The following CCND1 variants were observed in gnomAD, a reference collection of about 807,000 sequenced individuals.
CCND1 encodes the protein G1/S-specific cyclin-D1.
Under a neutral mutation model 26.1 loss-of-function variants are expected in CCND1, and 9 were observed. The observed-to-expected ratio is 0.35, with a 90% confidence interval of 0.21 to 0.60. The LOEUF (loss-of-function observed/expected upper bound fraction) is 0.60. Ranked by LOEUF, CCND1 falls within the 20% of genes least tolerant of loss-of-function variation. The pLI is 0.79. For missense variants in CCND1, 335 were observed against 392.9 expected (o/e 0.85, Z 1.25); for synonymous variants, 194 against 166.1 (o/e 1.17, Z -1.29).
At position 69,650,937 on chromosome 11, in the gene CCND1, G is replaced by T. The variant is rs1855845944; in HGVS notation, c.724-181G>T. On this transcript the variant is annotated intron_variant, in intron 4 of 4. Transcript: ENST00000227507. Reference sequence around the variant, plus strand: ...CATTTGGTCCTGAGTGTCCTGACAGGTGATGGCAGCTCCCACATCTCGCTC... The same window carrying T: ...CATTTGGTCCTGAGTGTCCTGACAGTTGATGGCAGCTCCCACATCTCGCTC... 2.6e-5 allele frequency among the ~76,000 whole-genome samples: 4 copies of T among 152,306 alleles called. No individual in the cohort carries two copies. In the South Asian group the frequency reaches 8.3e-4, roughly 32 times the overall value.
At position 69,653,105 on chromosome 11, in the gene CCND1, G is replaced by T; in HGVS notation, c.*1823G>T. On this transcript the variant is annotated 3_prime_UTR_variant, in exon 5 of 5. Transcript: ENST00000227507. The stretch of plus-strand genomic sequence containing the variant: ...AATTCTTGTAATTTTTATTTAGGAA[G>T]TGTTGAAGGGAGGTGGCAAGAGTGT... The T allele has an allele frequency of 1.9e-6, 1 of 533,026 alleles. No individual in the cohort carries two copies. The highest frequency in any genetic ancestry group is 3.3e-6 in the Non-Finnish European group (1 of 302,656). 33.0% of individuals were successfully genotyped at this position (533,026 alleles called of 1,614,324 possible).
rs2120109873 is a variant in CCND1 at position 69,648,111 on chromosome 11, G to A, written c.692G>A (p.Arg231His). 7 of 1,613,928 alleles carry A rather than the reference G, an allele frequency of 4.3e-6. No homozygotes were observed. Among genetic ancestry groups the A allele is most frequent in the Non-Finnish European group, 5.9e-6 (7 of 1,180,014 alleles). ...TTCCTGTCCTACTACCGCCTCACAC[G>A]CTTCCTCTCCAGAGTGATCAAGTGT... ...NNFLSYYRLTRFLSRVIKCDP... is the reference protein window; with the variant it reads ...NNFLSYYRLTHFLSRVIKCDP... Residue 231 changes from arginine to histidine, a missense_variant, in exon 4 of 5, where the codon CGC becomes CAC. Coordinates refer to ENST00000227507, the MANE Select transcript of CCND1 (RefSeq NM_053056.3).
Position 69,651,414 on chromosome 11 carries a change from G to T in CCND1, c.*132G>T, listed in dbSNP as rs1032082450. ...GAAAGCTTCATTCTCCTTGTTGTTG[G>T]TTGTTTTTTCCTTTGCTCTTTCCCC... On this transcript the variant is annotated 3_prime_UTR_variant, in exon 5 of 5. Coordinates refer to ENST00000227507, the MANE Select transcript of CCND1 (RefSeq NM_053056.3). The T allele has an allele frequency of 5.0e-6, 4 of 795,582 alleles. No individual in the cohort carries two copies. Among genetic ancestry groups the T allele is most frequent in the Non-Finnish European group, 5.3e-6 (3 of 562,904 alleles). The allele number at this position is 795,582 out of a possible 1,614,324, so 49.3% of individuals were successfully genotyped here. A position where few individuals can be genotyped will look rare whatever the true frequency, so the allele number is the denominator to read the frequency against.
At chr11:69,648,670 C>T (rs186754948) in intron 4 of CCND1, among the ~76,000 whole-genome samples, 31 of 152,072 alleles carry the variant, frequency 2.0e-4, no homozygotes, top group African/African-American at 5.8e-4. Flanking sequence ...GTTTTATTCC[C>T]GAGTCTTTTC....
At position 69,643,905 on chromosome 11, in the gene CCND1, A is replaced by ACTT. The variant is rs776603736; in HGVS notation, c.490_492dup (p.Phe164dup). ...ATGACCCCGCACGATTTCATTGAACACTTCCTCTCCAAAATGCCAGAGGCG... is the reference window on the plus strand; with the variant it reads ...ATGACCCCGCACGATTTCATTGAACACTTCTTCCTCTCCAAAATGCCAGAGGCG... On this transcript the variant is annotated inframe_insertion, in exon 3 of 5. Transcript: ENST00000227507. 1 of 1,613,666 alleles carries ACTT rather than the reference A, an allele frequency of 6.2e-7. No individual in the cohort carries two copies. Among genetic ancestry groups the ACTT allele is most frequent in the Non-Finnish European group, 8.5e-7 (1 of 1,180,000 alleles).
At chr11:69,650,750 C>T (rs1448729078) in intron 4 of CCND1, among the ~76,000 whole-genome samples, 2 of 152,176 alleles carry the variant, frequency 1.3e-5, no homozygotes, top group Non-Finnish European at 2.9e-5. Flanking sequence ...AAAGGGCCTC[C>T]TGTCCAGATC....
rs1855854338 is a variant in CCND1, at chr11:69,651,404, CTTG to C, written c.*129_*131del. On this transcript the variant is annotated 3_prime_UTR_variant, in exon 5 of 5. Coordinates refer to ENST00000227507, the MANE Select transcript of CCND1 (RefSeq NM_053056.3). ...TACCAGAAGGGAAAGCTTCATTCTC[CTTG>C]TTGTTGGTTGTTTTTTCCTTTGCTC... The C allele has an allele frequency of 5.9e-6, 5 of 851,256 alleles. No individual in the cohort carries two copies. The highest frequency in any genetic ancestry group is 3.3e-5 in the East Asian group (1 of 30,276). The allele number at this position is 851,256 out of a possible 1,614,324, so 52.7% of individuals were successfully genotyped here.
intron 4 of CCND1, among the ~76,000 whole-genome samples, chr11:69,649,020 T>G (rs1855822262): frequency 6.6e-6 from 1 of 152,214 alleles, no homozygotes; most frequent in Non-Finnish European, 1.5e-5. Flanking sequence ...GAAGCTTTTT[T>G]GCCGTGGGAC....
intron 2 of CCND1, 55 bp from the exon 3 acceptor site, chr11:69,643,777 G>A (rs1284482233): frequency 8.4e-6 from 13 of 1,547,452 alleles, no homozygotes; most frequent in African/African-American, 1.4e-5. Flanking sequence ...CGGCTTCCCC[G>A]CGCCCCCGGG....
Position 69,648,250 on chromosome 11 carries a change from T to TTGGGGC in CCND1, c.723+119_723+124dup, listed in dbSNP as rs961056734. The stretch of plus-strand genomic sequence containing the variant: ...GCCAAGGCCCCCAAGGGTGACAAGG[T>TTGGGGC]TGGGGCTGGGGCTGGGCCCCTCGGA... On this transcript the variant is annotated intron_variant, in intron 4 of 4. Coordinates refer to ENST00000227507, the MANE Select transcript of CCND1 (RefSeq NM_053056.3). 52 of 1,371,548 alleles carry TTGGGGC rather than the reference T, an allele frequency of 3.8e-5. No individual in the cohort carries two copies. In the African/African-American group the frequency reaches 6.8e-4, roughly 18 times the overall value. 85.0% of individuals were successfully genotyped at this position (1,371,548 alleles called of 1,614,324 possible).
rs1855700251 is a variant in CCND1 at position 69,641,554 on chromosome 11, T to G, written c.198+43T>G. 5 of 1,587,850 alleles carry G rather than the reference T, an allele frequency of 3.1e-6. No homozygotes were observed. In the African/African-American group the frequency reaches 4.0e-5, roughly 13 times the overall value. On this transcript the variant is annotated intron_variant, in intron 1 of 4. Coordinates refer to ENST00000227507, the MANE Select transcript of CCND1 (RefSeq NM_053056.3). The stretch of plus-strand genomic sequence containing the variant: ...GCTCTCTTAAGACTTCCCTGCAACT[T>G]GTTGCCCAGACCCACGTTTCTTTGC...
rs2120089429 is a variant in CCND1, at chr11:69,643,158, T to C, written c.326T>C (p.Val109Ala). ...CTGCTGGGGGCCACTTGCATGTTCG[T>C]GGCCTCTAAGATGAAGGAGACCATC... ...LQLLGATCMF[V>A]ASKMKETIPL... is the part of the protein sequence containing the mutation. Residue 109 changes from valine (V) to alanine (A), a missense_variant, in exon 2 of 5, where the codon GTG (valine) becomes GCG (alanine). Val to Ala is a moderately conservative substitution (Grantham distance 64). Transcript: ENST00000227507. 1.9e-6 allele frequency: 3 copies of C among 1,609,548 alleles called. No homozygotes were observed. The highest frequency in any genetic ancestry group is 2.5e-6 in the Non-Finnish European group (3 of 1,178,206).
chr11:69,643,375 C>T lies in CCND1; in HGVS notation c.414+129C>T, dbSNP rs1192319284. On this transcript the variant is annotated intron_variant, in intron 2 of 4. Transcript: ENST00000227507. ...CTGCTCCTCCGAGGGAGGGCGGCCC[C>T]GCCGCCGGGCGTCCCTGTCCGGGGA... 7 of 668,674 alleles carry T rather than the reference C, an allele frequency of 1.0e-5. No homozygotes were observed. The East Asian group carries it at 1.7e-4, about 16-fold the overall frequency. 41.4% of individuals were successfully genotyped at this position (668,674 alleles called of 1,614,324 possible). A position where few individuals can be genotyped will look rare whatever the true frequency, so the allele number is the denominator to read the frequency against.
Position 69,643,258 on chromosome 11 carries a change from AC to A in CCND1, c.414+16del. ...CCGAGGAGCTGCTGGTAACCACTGG[AC>A]CCCGCCGCCCCCCGCCCCCCGCGAG... On this transcript the variant is annotated intron_variant, in intron 2 of 4. Transcript: ENST00000227507. 1.3e-6 allele frequency: 2 copies of A among 1,537,924 alleles called. No individual in the cohort carries two copies. The highest frequency in any genetic ancestry group is 1.8e-6 in the Non-Finnish European group (2 of 1,142,666).
intron 3 of CCND1, among the ~76,000 whole-genome samples, chr11:69,644,682 G>T (rs1436157593): frequency 1.3e-5 from 2 of 152,182 alleles, no homozygotes; most frequent in African/African-American, 4.8e-5. Context: ...CCCTGACATG[G>T]CCTTGGCCCC....
chr11:69,645,601 C>T (rs889931204), intron 3 of CCND1, among the ~76,000 whole-genome samples: 3 of 152,330 alleles, frequency 2.0e-5, no homozygotes, highest in Middle Eastern at 3.4e-3. Context: ...CAAAGTGCTC[C>T]GGGTCCTGAC....
chr11:69,642,980 G>A (rs2120087398), intron 1 of CCND1, 51 bp from the exon 2 acceptor site: 1 of 1,395,542 alleles, frequency 7.2e-7, no homozygotes, highest in Non-Finnish European at 9.6e-7. Context: ...GGGGCGTGCG[G>A]GGGGGCGGCG....
chr11:69,650,232 T>C (rs1471304358), intron 4 of CCND1, among the ~76,000 whole-genome samples: 2 of 152,202 alleles, frequency 1.3e-5, no homozygotes, highest in African/African-American at 4.8e-5. Context: ...TTCCTGGCAG[T>C]TGGGACACAC....
At chr11:69,649,385 C>T (rs1176374645) in intron 4 of CCND1, among the ~76,000 whole-genome samples, 1 of 152,170 alleles carries the variant, frequency 6.6e-6, no homozygotes, top group Admixed American at 6.5e-5. Flanking sequence ...ACCATCTTAA[C>T]TAGATTGGAG....
Sources: gnomAD v4.1 joint callset for allele counts (sites outside exome capture counted in the v4.1 genomes callset) on GRCh38, gnomAD v4.1.1 for gene constraint, MANE v1.5 for transcripts, NCBI Gene and HGNC (gene_info 2026-07-23, HGNC 2026-07-21) for gene names.